SNTG2: variants seen among roughly 807,000 people sequenced by gnomAD.
The protein encoded by SNTG2 is gamma-2-syntrophin.
SNTG2 carries 74 observed loss-of-function variants against 70.9 expected under a neutral mutation model. The ratio of observed to expected loss-of-function variants is 1.04; its 90% confidence interval spans 0.86 to 1.27. The LOEUF (loss-of-function observed/expected upper bound fraction) is 1.27. Among genes scored for constraint, SNTG2 ranks in the 50% most tolerant of loss-of-function variants. The pLI is 0.00. For synonymous variants in SNTG2, 278 were observed against 273.8 expected, an observed-to-expected ratio of 1.02 and a Z score of -0.15; for missense variants, 717 against 690.7, an observed-to-expected ratio of 1.04 and a Z score of -0.43.
In SNTG2 at chr2:1,217,647, A is replaced by G. The variant is rs556149808; in HGVS notation, c.719+8417A>G. 1.1e-3 allele frequency among the ~76,000 whole-genome samples: 162 copies of G among 152,328 alleles called. 1 individual carries two copies. Among genetic ancestry groups the G allele is most frequent in the Non-Finnish European group, 1.9e-3 (131 of 68,024 alleles). Reference sequence around the variant, plus strand: ...CTACTGGCTTATATAGACATTATGTAGTCTACATTTCTATTATGTAGAAAT... The same window carrying G: ...CTACTGGCTTATATAGACATTATGTGGTCTACATTTCTATTATGTAGAAAT... On this transcript the variant is annotated intron_variant, in intron 9 of 16. Coordinates refer to ENST00000308624, the MANE Select transcript of SNTG2 (RefSeq NM_018968.4).
intron 14 of SNTG2, among the ~76,000 whole-genome samples, chr2:1,302,986 T>G (rs980686370): frequency 6.6e-6 from 1 of 151,154 alleles, no homozygotes; most frequent in Admixed American, 6.6e-5. Context: ...CTGCAAAATA[T>G]GGGAAGCAAA....
intron 16 of SNTG2, among the ~76,000 whole-genome samples, chr2:1,318,857 A>C (rs1471691006): frequency 6.6e-6 from 1 of 152,178 alleles, no homozygotes; most frequent in Non-Finnish European, 1.5e-5. Context: ...CCGGAGGTCT[A>C]CGGTGGCCAT....
chr2:965,646 GGCT>G (rs1020163627), intron 1 of SNTG2, among the ~76,000 whole-genome samples: 1 of 151,972 alleles, frequency 6.6e-6, no homozygotes, highest in Non-Finnish European at 1.5e-5. Context: ...TCGGCTCGGG[GGCT>G]GCTGCTGCTG....
At chr2:1,130,202 A>G (rs1667932064) in intron 4 of SNTG2, among the ~76,000 whole-genome samples, 1 of 152,154 alleles carries the variant, frequency 6.6e-6, no homozygotes, top group Non-Finnish European at 1.5e-5. Flanking sequence ...GTCACTCATC[A>G]TGGACATGGA....
At chr2:1,059,662 A>G (rs1370931181) in intron 1 of SNTG2, among the ~76,000 whole-genome samples, 3 of 152,208 alleles carry the variant, frequency 2.0e-5, no homozygotes, top group African/African-American at 7.2e-5. Context: ...TGGAAATATA[A>G]AACTCCCTCA....
chr2:1,194,969 C>T (rs574970968), intron 8 of SNTG2, among the ~76,000 whole-genome samples: 2 of 152,250 alleles, frequency 1.3e-5, no homozygotes, highest in Admixed American at 1.3e-4. Context: ...TGAGTGAGAA[C>T]ATGCAGTGTT....
intron 16 of SNTG2, among the ~76,000 whole-genome samples, chr2:1,355,388 C>T (rs1329186691): frequency 6.6e-6 from 1 of 152,210 alleles, no homozygotes; most frequent in Non-Finnish European, 1.5e-5. Context: ...CATGCTACTC[C>T]CCCTTCTGAG....
intron 6 of SNTG2, among the ~76,000 whole-genome samples, chr2:1,142,597 C>T (rs933349970): frequency 6.6e-6 from 1 of 152,174 alleles, no homozygotes; most frequent in Non-Finnish European, 1.5e-5. Context: ...CTTCTGGGAC[C>T]ACACACCAAG....
At chr2:1,016,895 A>AC (rs1659911733) in intron 1 of SNTG2, among the ~76,000 whole-genome samples, 1 of 152,174 alleles carries the variant, frequency 6.6e-6, no homozygotes. Context: ...CCAGGACCAG[A>AC]TCATGGTGGG....
intron 2 of SNTG2, among the ~76,000 whole-genome samples, chr2:1,096,497 C>T (rs1665399323): frequency 3.3e-5 from 5 of 152,144 alleles, no homozygotes; most frequent in Admixed American, 1.3e-4. Flanking sequence ...CAACCCTGAA[C>T]GCCCCTGGTA....
chr2:1,158,537 A>G (rs1670054490), intron 6 of SNTG2: 1 of 152,248 alleles, frequency 6.6e-6, no homozygotes, highest in Non-Finnish European at 1.5e-5. Context: ...TGACAATTGA[A>G]TAACACATCA....
chr2:1,167,595 C>T (rs1363446362), intron 7 of SNTG2, among the ~76,000 whole-genome samples: 8 of 122,840 alleles, frequency 6.5e-5, no homozygotes, highest in Admixed American at 4.0e-4. Context: ...GCCTAGAAGC[C>T]GCCCACAGAC....
chr2:1,145,240 T>A (rs564395131), intron 6 of SNTG2, among the ~76,000 whole-genome samples: 1 of 151,370 alleles, frequency 6.6e-6, no homozygotes, highest in South Asian at 2.1e-4. Context: ...AAATAAATGA[T>A]GAAAATTAGA....
At chr2:1,303,882 G>A (rs541574774) in intron 14 of SNTG2, among the ~76,000 whole-genome samples, 2 of 152,270 alleles carry the variant, frequency 1.3e-5, no homozygotes, top group Non-Finnish European at 2.9e-5. Context: ...CTGTTTCCTC[G>A]TAAACCACGA....
At position 1,325,796 on chromosome 2, in the gene SNTG2, G is replaced by A. The variant is rs145692372; in HGVS notation, c.1488+9421G>A. Among the ~76,000 whole-genome samples, 668 of 152,178 alleles carry A rather than the reference G, an allele frequency of 4.4e-3. 4 individuals carry two copies. The highest frequency in any genetic ancestry group is 0.015 in the African/African-American group (628 of 41,508). On this transcript the variant is annotated intron_variant, in intron 16 of 16. Transcript: ENST00000308624. ...TTTCTGTGACATACAGCAATTAAAC[G>A]TAGTCAGGATTATCACTGATAATAT...
chr2:1,246,501 G>A lies in SNTG2; in HGVS notation c.889-826G>A, dbSNP rs138044904. Among the ~76,000 whole-genome samples, 374 of 152,322 alleles carry A rather than the reference G, an allele frequency of 2.5e-3. 7 individuals are homozygous for A. The East Asian group carries it at 0.048, about 19-fold the overall frequency. Reference sequence around the variant, plus strand: ...CTTGAGGGGTGTCCAGGTCCCAGCTGGTTCTCAACTTTTAATAGCTCATCG... The same window carrying A: ...CTTGAGGGGTGTCCAGGTCCCAGCTAGTTCTCAACTTTTAATAGCTCATCG... On this transcript the variant is annotated intron_variant, in intron 11 of 16. Transcript: ENST00000308624.
chr2:1,130,190 C>CTG (rs1469038130), intron 4 of SNTG2, among the ~76,000 whole-genome samples: 2 of 152,194 alleles, frequency 1.3e-5, no homozygotes, highest in Admixed American at 1.3e-4. Flanking sequence ...AGTAAATAGG[C>CTG]TGTCACTCAT....
At chr2:1,106,525 C>G (rs374135409) in intron 4 of SNTG2, among the ~76,000 whole-genome samples, 7 of 126,130 alleles carry the variant, frequency 5.5e-5, no homozygotes, top group Non-Finnish European at 6.5e-5. Flanking sequence ...ATGGAGAGCT[C>G]CTTGGTAAGA....
At chr2:1,061,316 A>G (rs932953813) in intron 1 of SNTG2, among the ~76,000 whole-genome samples, 3 of 152,204 alleles carry the variant, frequency 2.0e-5, no homozygotes, top group Non-Finnish European at 4.4e-5. Context: ...AAAATGGAAT[A>G]TGTGTATTAG....
Sources: allele counts gnomAD v4.1 joint callset (sites outside exome capture counted in the v4.1 genomes callset), GRCh38; gene constraint gnomAD v4.1.1; transcripts MANE v1.5; gene names NCBI Gene and HGNC (gene_info 2026-07-23, HGNC 2026-07-21).